The following HHAT variants were observed in gnomAD, a reference collection of about 807,000 sequenced individuals.
The protein encoded by HHAT is protein-cysteine N-palmitoyltransferase HHAT.
HHAT carries 47 observed loss-of-function variants against 70.8 expected under a neutral mutation model. That is an observed-to-expected ratio of 0.66 (90% CI 0.53 to 0.85). The LOEUF is 0.85. Among genes scored for constraint, HHAT ranks in the 40% least tolerant of loss-of-function variants. The pLI is 0.00. For synonymous variants in HHAT, 228 were observed against 247.6 expected, an observed-to-expected ratio of 0.92 and a Z score of 0.74; for missense variants, 609 against 604.8, an observed-to-expected ratio of 1.01 and a Z score of -0.07.
At chr1:210,449,862 T>C (rs761857207) in intron 7 of HHAT, among the ~76,000 whole-genome samples, 13 of 152,130 alleles carry the variant, frequency 8.5e-5, no homozygotes, top group Admixed American at 3.3e-4. Context: ...GCTAATTCGC[T>C]CTCTAAATGT....
chr1:210,336,008 T>C (rs1325779761), intron 1 of HHAT, among the ~76,000 whole-genome samples: 2 of 152,170 alleles, frequency 1.3e-5, no homozygotes, highest in Non-Finnish European at 2.9e-5. Context: ...TGTGATTCCA[T>C]TGATGTAAAG....
chr1:210,405,346 G>A (rs2092287024), intron 6 of HHAT, among the ~76,000 whole-genome samples: 1 of 150,980 alleles, frequency 6.6e-6, no homozygotes, highest in Non-Finnish European at 1.5e-5. Flanking sequence ...TTTTTTTTCT[G>A]CCTCCTCAAC....
chr1:210,358,173 C>T (rs2087855205), intron 2 of HHAT, among the ~76,000 whole-genome samples: 1 of 152,172 alleles, frequency 6.6e-6, no homozygotes, highest in South Asian at 2.1e-4. Flanking sequence ...CCATGTCAGA[C>T]CCCTGAACAT....
At chr1:210,464,783 T>C in intron 8 of HHAT, 128 bp downstream of exon 8, 1 of 881,580 alleles carries the variant, frequency 1.1e-6, no homozygotes, top group Non-Finnish European at 1.7e-6. Flanking sequence ...TGGCATCCAT[T>C]TCTTCATCCT....
At chr1:210,374,252 G>GT (rs1415426102) in intron 3 of HHAT, 38 of 136,506 alleles carry the variant, frequency 2.8e-4, no homozygotes, top group African/African-American at 1.1e-3. Context: ...TATTCGATCT[G>GT]AAGAGAAACC....
rs5780588 is a variant in HHAT at position 210,540,444 on chromosome 1, TACACACACAC to T, written c.1043+27273_1043+27282del. 1.2e-4 allele frequency among the ~76,000 whole-genome samples: 18 copies of T among 148,376 alleles called. No individual in the cohort carries two copies. In the South Asian group the frequency reaches 2.4e-3, roughly 20 times the overall value. ...AGTAAATAGGAGATTTTTTCCCTCT[TACACACACAC>T]ACACACACACACACACGCACACACA... is the stretch of plus-strand genomic sequence containing the variant. On this transcript the variant is annotated intron_variant, in intron 9 of 11. Transcript: ENST00000261458.
chr1:210,500,521 A>G lies in HHAT; in HGVS notation c.1008-12632A>G, dbSNP rs142288528. On this transcript the variant is annotated intron_variant, in intron 8 of 11. Transcript: ENST00000261458. ...GTATCTTGGGTGCAGTTTACTCTAT[A>G]AGCAGATGCTGAATCCGCTGTCTGT... Among the ~76,000 whole-genome samples the G allele has an allele frequency of 2.0e-4, 30 of 152,220 alleles. No homozygotes were observed. The East Asian group carries it at 4.1e-3, about 21-fold the overall frequency.
At chr1:210,462,136 T>G (rs2148430526) in intron 7 of HHAT, among the ~76,000 whole-genome samples, 1 of 152,300 alleles carries the variant, frequency 6.6e-6, no homozygotes, top group South Asian at 2.1e-4. Flanking sequence ...ATGTGAAAAA[T>G]AAAGCAATAC....
intron 7 of HHAT, among the ~76,000 whole-genome samples, chr1:210,426,963 G>C (rs1047694325): frequency 1.3e-5 from 2 of 152,052 alleles, no homozygotes; most frequent in African/African-American, 4.8e-5. Flanking sequence ...GAATCCATCT[G>C]GTCCTGGGCT....
rs574802336 is a variant in HHAT at position 210,610,201 on chromosome 1, T to C, written c.1246-13325T>C. Among the ~76,000 whole-genome samples, 3 of 152,314 alleles carry C rather than the reference T, an allele frequency of 2.0e-5. No homozygotes were observed. In the South Asian group the frequency reaches 6.2e-4, roughly 32 times the overall value. On this transcript the variant is annotated intron_variant, in intron 10 of 11. Coordinates refer to ENST00000261458, the MANE Select transcript of HHAT (RefSeq NM_018194.6). The stretch of plus-strand genomic sequence containing the variant: ...CCAGCATCTGTTCTTTTGACTTTTT[T>C]ATAATTGCCATTCTGACTGGCATGA...
At chr1:210,604,406 G>C (rs1020884632) in intron 10 of HHAT, among the ~76,000 whole-genome samples, 23 of 151,758 alleles carry the variant, frequency 1.5e-4, no homozygotes, top group Non-Finnish European at 1.9e-4. Flanking sequence ...TTATTGAGAG[G>C]GAATATGTTC....
At chr1:210,630,535 A>C (rs74158951) in intron 11 of HHAT, among the ~76,000 whole-genome samples, 4,120 of 152,320 alleles carry the variant, frequency 0.027, 186 homozygotes, top group African/African-American at 0.095. Flanking sequence ...TCTTCAGGGA[A>C]TTTCAAGGGT....
At chr1:210,591,193 A>T (rs1401724304) in intron 10 of HHAT, among the ~76,000 whole-genome samples, 1 of 152,036 alleles carries the variant, frequency 6.6e-6, no homozygotes. Flanking sequence ...CTCATTAACC[A>T]TCATTCCCCC....
intron 8 of HHAT, among the ~76,000 whole-genome samples, chr1:210,493,626 TGA>T (rs1291544047): frequency 2.0e-5 from 3 of 152,166 alleles, no homozygotes; most frequent in African/African-American, 7.2e-5. Flanking sequence ...GTCTGGAGTA[TGA>T]GAGAGAGGTC....
In HHAT at chr1:210,675,361, A is replaced by G. The variant is rs1179157251; in HGVS notation, c.*982A>G. 6.6e-6 allele frequency: 1 copy of G among 152,196 alleles called. No individual in the cohort carries two copies. The highest frequency in any genetic ancestry group is 1.5e-5 in the Non-Finnish European group (1 of 68,016). The allele number at this position is 152,196 out of a possible 1,614,324, so 9.4% of individuals were successfully genotyped here. ...TGTTTGAGGAAAATGTTTAAAATCTAAATATACTCACATAACTTGATTATT... is the reference window on the plus strand; with the variant it reads ...TGTTTGAGGAAAATGTTTAAAATCTGAATATACTCACATAACTTGATTATT... On this transcript the variant is annotated 3_prime_UTR_variant, in exon 12 of 12. Coordinates refer to ENST00000261458, the MANE Select transcript of HHAT (RefSeq NM_018194.6).
At chr1:210,519,783 C>T (rs909524422) in intron 9 of HHAT, among the ~76,000 whole-genome samples, 13 of 151,054 alleles carry the variant, frequency 8.6e-5, no homozygotes, top group Non-Finnish European at 1.5e-4. Flanking sequence ...CTGCCTTGGC[C>T]TCCCAAAGTG....
chr1:210,412,584 C>T (rs894212227), intron 6 of HHAT, among the ~76,000 whole-genome samples: 1 of 152,208 alleles, frequency 6.6e-6, no homozygotes, highest in Admixed American at 6.5e-5. Context: ...TGAGGAAGTC[C>T]AAAACCTTAA....
At chr1:210,397,718 G>C (rs2091868784) in intron 4 of HHAT, among the ~76,000 whole-genome samples, 1 of 152,198 alleles carries the variant, frequency 6.6e-6, no homozygotes, top group South Asian at 2.1e-4. Flanking sequence ...TTAGGCCTTT[G>C]CTGATGAAAC....
At chr1:210,399,245 T>C (rs6540593) in intron 4 of HHAT, among the ~76,000 whole-genome samples, 98,214 of 152,058 alleles carry the variant, frequency 0.65, 32,413 homozygotes, top group African/African-American at 0.78. Context: ...GAAGGAGATA[T>C]TGTTATTATT....
Sources: gnomAD v4.1 joint callset for allele counts (sites outside exome capture counted in the v4.1 genomes callset) on GRCh38, gnomAD v4.1.1 for gene constraint, MANE v1.5 for transcripts, NCBI Gene and HGNC (gene_info 2026-07-23, HGNC 2026-07-21) for gene names.